The following SYNJ2BP variants were observed in gnomAD, a reference collection of about 807,000 sequenced individuals.
SYNJ2BP encodes the protein synaptojanin 2 binding protein, also known as synaptojanin-2-binding protein.
SYNJ2BP carries 10 observed loss-of-function variants against 16.9 expected under a neutral mutation model. The ratio of observed to expected loss-of-function variants is 0.59; its 90% CI spans 0.36 to 1.00. The LOEUF is 1.00. SYNJ2BP is among the 50% of genes least tolerant of loss of function. The pLI, the probability that SYNJ2BP is intolerant of heterozygous loss-of-function variation, is 0.01. For synonymous variants in SYNJ2BP, 54 were observed against 68.4 expected, an observed-to-expected ratio of 0.79 and a Z score of 1.04; for missense variants, 162 against 186.7, an observed-to-expected ratio of 0.87 and a Z score of 0.77.
chr14:70,413,949 G>T (rs1888546333), intron 1 of SYNJ2BP, among the ~76,000 whole-genome samples: 1 of 152,180 alleles, frequency 6.6e-6, no homozygotes, highest in Non-Finnish European at 1.5e-5. Context: ...GCCTACAAAA[G>T]AAATGCATAC....
intron 1 of SYNJ2BP, among the ~76,000 whole-genome samples, chr14:70,407,931 T>C (rs1888383834): frequency 6.6e-6 from 1 of 152,174 alleles, no homozygotes; most frequent in African/African-American, 2.4e-5. Context: ...TAGCTTATAT[T>C]CATTTTTGTA....
In SYNJ2BP at chr14:70,369,100, C is replaced by A. The variant is rs1250375478; in HGVS notation, c.*3891G>T. 1 of 152,082 alleles carries A rather than the reference C, an allele frequency of 6.6e-6. No homozygotes were observed. Among genetic ancestry groups the A allele is most frequent in the African/African-American group, 2.4e-5 (1 of 41,402 alleles). 9.4% of individuals were successfully genotyped at this position (152,082 alleles called of 1,614,324 possible). A position where few individuals can be genotyped will look rare whatever the true frequency, so the allele number is the denominator to read the frequency against. On this transcript the variant is annotated 3_prime_UTR_variant, in exon 4 of 4. Transcript: ENST00000256366. ...TTCTTTTTTCTCTTCTGGGAACTTG[C>A]TTTTTGTTTTTTGTTTGTTTGTTTT...
chr14:70,415,408 G>A (rs951695291), intron 1 of SYNJ2BP, among the ~76,000 whole-genome samples: 52 of 151,680 alleles, frequency 3.4e-4, no homozygotes, highest in African/African-American at 1.1e-3. Flanking sequence ...AAAATTAGCC[G>A]GGCGTGGCAG....
At chr14:70,406,964 G>A (rs566837636) in intron 1 of SYNJ2BP, among the ~76,000 whole-genome samples, 1 of 152,312 alleles carries the variant, frequency 6.6e-6, no homozygotes, top group African/African-American at 2.4e-5. Context: ...CAGCGAGCAA[G>A]AAGAACCCAT....
At chr14:70,396,408 C>T (rs1157215422) in intron 1 of SYNJ2BP, among the ~76,000 whole-genome samples, 3 of 152,132 alleles carry the variant, frequency 2.0e-5, no homozygotes, top group South Asian at 2.1e-4. Flanking sequence ...TGACCCACCG[C>T]GCCCGGTCCC....
chr14:70,374,975 G>A (rs867328181), intron 3 of SYNJ2BP, among the ~76,000 whole-genome samples: 15 of 151,364 alleles, frequency 9.9e-5, no homozygotes, highest in Middle Eastern at 3.4e-3. Context: ...AAGAGATGAG[G>A]TCTCTCTATG....
chr14:70,400,805 T>C (rs1219755761), intron 1 of SYNJ2BP, among the ~76,000 whole-genome samples: 1 of 152,226 alleles, frequency 6.6e-6, no homozygotes, highest in Admixed American at 6.5e-5. Context: ...TTAATTTTGA[T>C]GAAAAATCTG....
chr14:70,388,587 G>T lies in SYNJ2BP; in HGVS notation c.84C>A (p.Val28=). Residue 28 remains valine, a synonymous_variant, in exon 2 of 4, where the codon GTC becomes GTA. Transcript: ENST00000256366. ...RGPSGLGFNI[V]GGTDQQYVSN... ...AGACATACTGCTGATCTGTCCCACC[G>T]ACGATGTTGAAGCCCAGCCCTGAGA... 3 of 1,543,722 alleles carry T rather than the reference G, an allele frequency of 1.9e-6. No individual in the cohort carries two copies. The highest frequency in any genetic ancestry group is 2.6e-6 in the Non-Finnish European group (3 of 1,146,236).
intron 2 of SYNJ2BP, among the ~76,000 whole-genome samples, chr14:70,378,002 C>A (rs571660426): frequency 6.6e-6 from 1 of 152,214 alleles, no homozygotes; most frequent in South Asian, 2.1e-4. Context: ...CTAAAGGTCA[C>A]CAATAACTTC....
chr14:70,377,002 T>C (rs1330395479), intron 2 of SYNJ2BP, among the ~76,000 whole-genome samples: 1 of 152,218 alleles, frequency 6.6e-6, no homozygotes, highest in East Asian at 1.9e-4. Flanking sequence ...TTCTGCCCTA[T>C]AGACAGTCTA....
chr14:70,372,962 A>G lies in SYNJ2BP; in HGVS notation c.*29T>C, dbSNP rs200172973. On this transcript the variant is annotated 3_prime_UTR_variant, in exon 4 of 4. Transcript: ENST00000256366. The stretch of plus-strand genomic sequence containing the variant: ...TGGAGGGTGAGTGAAATGTATCTTC[A>G]TTGGGAGTATTGAAAGAGAGCAAGT... 219 of 1,612,986 alleles carry G rather than the reference A, an allele frequency of 1.4e-4. 2 individuals are homozygous for G. In the African/African-American group the frequency reaches 2.6e-3, roughly 19 times the overall value.
At chr14:70,396,596 G>A (rs113439132) in intron 1 of SYNJ2BP, among the ~76,000 whole-genome samples, 10 of 26,848 alleles carry the variant, frequency 3.7e-4, no homozygotes, top group Non-Finnish European at 3.8e-4. Context: ...ATGTATGTGT[G>A]TATATGTATG....
intron 1 of SYNJ2BP, among the ~76,000 whole-genome samples, chr14:70,410,190 G>A (rs1245120795): frequency 5.3e-5 from 8 of 152,178 alleles, no homozygotes; most frequent in African/African-American, 1.7e-4. Context: ...CGAGGTGGGT[G>A]AATAACTTGA....
rs1174215617 is a variant in SYNJ2BP, at chr14:70,369,416, A to G, written c.*3575T>C. The G allele has an allele frequency of 6.6e-6, 1 of 152,206 alleles. No individual in the cohort carries two copies. The highest frequency in any genetic ancestry group is 1.9e-4 in the East Asian group (1 of 5,196). The allele number at this position is 152,206 out of a possible 1,614,324, so 9.4% of individuals were successfully genotyped here. A position where few individuals can be genotyped will look rare whatever the true frequency, so the allele number is the denominator to read the frequency against. On this transcript the variant is annotated 3_prime_UTR_variant, in exon 4 of 4. Coordinates refer to ENST00000256366, the MANE Select transcript of SYNJ2BP (RefSeq NM_018373.3). ...AGCCTATGAACTTGCTTTTCTAACA[A>G]GTTCCCCAGTAACGCTGATGCTTTT...
intron 1 of SYNJ2BP, among the ~76,000 whole-genome samples, chr14:70,399,808 A>C (rs1888196515): frequency 6.6e-6 from 1 of 152,156 alleles, no homozygotes; most frequent in Admixed American, 6.5e-5. Flanking sequence ...CTTCATGCTG[A>C]TTGGTGTTGT....
chr14:70,404,031 C>G (rs554535173), intron 1 of SYNJ2BP, among the ~76,000 whole-genome samples: 1 of 152,064 alleles, frequency 6.6e-6, no homozygotes, highest in Non-Finnish European at 1.5e-5. Flanking sequence ...ATGTATGTAA[C>G]GTCAGGGTTT....
chr14:70,401,856 G>T (rs1005831587), intron 1 of SYNJ2BP, among the ~76,000 whole-genome samples: 3 of 151,746 alleles, frequency 2.0e-5, no homozygotes, highest in Non-Finnish European at 4.4e-5. Flanking sequence ...TTGCTATTTT[G>T]CCCAGGCTGG....
chr14:70,379,305 T>G (rs1194457111), intron 2 of SYNJ2BP, among the ~76,000 whole-genome samples: 1 of 152,108 alleles, frequency 6.6e-6, no homozygotes, highest in East Asian at 1.9e-4. Flanking sequence ...AAGGAAAGAG[T>G]ACATACCTCG....
intron 1 of SYNJ2BP, among the ~76,000 whole-genome samples, chr14:70,392,180 T>C (rs528114773): frequency 8.3e-4 from 126 of 152,364 alleles, no homozygotes; most frequent in Non-Finnish European, 1.5e-3. Flanking sequence ...CCCTTTAAGA[T>C]ATTGCAGAAG....
Sources: gnomAD v4.1 joint callset for allele counts (sites outside exome capture counted in the v4.1 genomes callset) on GRCh38, gnomAD v4.1.1 for gene constraint, MANE v1.5 for transcripts, NCBI Gene and HGNC (gene_info 2026-07-23, HGNC 2026-07-21) for gene names.